The following MAGI1 variants were observed in gnomAD, a reference collection of about 807,000 sequenced individuals.
MAGI1 encodes the protein membrane associated guanylate kinase, WW and PDZ domain containing 1.
Under a neutral mutation model 139.9 loss-of-function variants are expected in MAGI1, and 58 were observed. That is an observed-to-expected ratio of 0.41 (90% CI 0.34 to 0.52). The LOEUF (loss-of-function observed/expected upper bound fraction) is 0.52. Among genes scored for constraint, MAGI1 ranks in the 20% least tolerant of loss-of-function variants. MAGI1 has a pLI of 0.12. For synonymous variants in MAGI1, 812 were observed against 737.9 expected, an observed-to-expected ratio of 1.10 and a Z score of -1.63; for missense variants, 1,874 against 1,901.6, an observed-to-expected ratio of 0.99 and a Z score of 0.27.
chr3:65,853,284 C>T (rs1312193403), intron 1 of MAGI1, among the ~76,000 whole-genome samples: 1 of 152,210 alleles, frequency 6.6e-6, no homozygotes, highest in African/African-American at 2.4e-5. Flanking sequence ...CCCAACCCAA[C>T]ATGATGTGGT....
intron 1 of MAGI1, among the ~76,000 whole-genome samples, chr3:66,015,462 A>G (rs1347080145): frequency 4.0e-5 from 6 of 150,586 alleles, no homozygotes; most frequent in African/African-American, 1.5e-4. Flanking sequence ...ACAGCAGTGA[A>G]AAAAAAAAAT....
chr3:65,537,002 T>A (rs556183434), intron 2 of MAGI1, among the ~76,000 whole-genome samples: 1 of 152,186 alleles, frequency 6.6e-6, no homozygotes, highest in Non-Finnish European at 1.5e-5. Flanking sequence ...TGTTTGAGTA[T>A]GAATTCTTCT....
intron 1 of MAGI1, among the ~76,000 whole-genome samples, chr3:65,690,920 C>A (rs2088573692): frequency 6.6e-6 from 1 of 152,178 alleles, no homozygotes; most frequent in South Asian, 2.1e-4. Context: ...ATATGCCCCA[C>A]TTACCAAACT....
intron 5 of MAGI1, among the ~76,000 whole-genome samples, chr3:65,459,787 A>C (rs1242937558): frequency 6.6e-6 from 1 of 152,092 alleles, no homozygotes; most frequent in South Asian, 2.1e-4. Flanking sequence ...AGCTGGGTGT[A>C]GTGGCATGTA....
intron 1 of MAGI1, among the ~76,000 whole-genome samples, chr3:65,662,990 G>A (rs2086285669): frequency 6.6e-6 from 1 of 152,168 alleles, no homozygotes; most frequent in Admixed American, 6.5e-5. Flanking sequence ...GTAGACCAGA[G>A]ACGGGTGCTG....
intron 18 of MAGI1, among the ~76,000 whole-genome samples, chr3:65,371,706 T>C (rs922390205): frequency 3.9e-5 from 6 of 152,200 alleles, no homozygotes; most frequent in African/African-American, 7.2e-5. Context: ...TTTATTAACT[T>C]AAGTTGATTT....
At chr3:65,590,293 G>C (rs1033020904) in intron 2 of MAGI1, among the ~76,000 whole-genome samples, 2 of 152,096 alleles carry the variant, frequency 1.3e-5, no homozygotes, top group Admixed American at 1.3e-4. Flanking sequence ...AAGCTATTTT[G>C]TACATCTTTG....
intron 1 of MAGI1, among the ~76,000 whole-genome samples, chr3:65,726,130 G>A (rs1442848919): frequency 1.3e-5 from 2 of 152,100 alleles, no homozygotes; most frequent in African/African-American, 4.8e-5. Context: ...ATATGAATCA[G>A]TCTTTTTTAA....
At chr3:65,517,187 C>CA (rs1040911714) in intron 2 of MAGI1, among the ~76,000 whole-genome samples, 2 of 152,172 alleles carry the variant, frequency 1.3e-5, no homozygotes, top group Non-Finnish European at 2.9e-5. Context: ...AATCATGCCT[C>CA]AGGGCCTTTG....
Position 65,359,703 on chromosome 3 carries a change from T to C in MAGI1, c.3634+1496A>G, listed in dbSNP as rs189695904. On this transcript the variant is annotated intron_variant, in intron 22 of 22. Coordinates refer to ENST00000402939, the MANE Select transcript of MAGI1 (RefSeq NM_001033057.2). ...CAAGTGACGCATGGAGACATTACAG[T>C]AGCACAACCCTGTGGCAGGTTCAAC... 19 of 986,172 alleles carry C rather than the reference T, an allele frequency of 1.9e-5. No homozygotes were observed. In the Admixed American group the frequency reaches 1.0e-3, roughly 53 times the overall value. The allele number at this position is 986,172 out of a possible 1,614,324, so 61.1% of individuals were successfully genotyped here. A position where few individuals can be genotyped will look rare whatever the true frequency, so the allele number is the denominator to read the frequency against.
At chr3:65,494,740 TC>T in intron 2 of MAGI1, among the ~76,000 whole-genome samples, 1 of 152,354 alleles carries the variant, frequency 6.6e-6, no homozygotes, top group East Asian at 1.9e-4. Flanking sequence ...GCGCTGAAGT[TC>T]TTAGCACTGT....
At chr3:65,958,880 G>A (rs2064265960) in intron 1 of MAGI1, among the ~76,000 whole-genome samples, 1 of 152,080 alleles carries the variant, frequency 6.6e-6, no homozygotes, top group Non-Finnish European at 1.5e-5. Context: ...CCAGCTCCTG[G>A]GGAGGTTGAG....
intron 1 of MAGI1, among the ~76,000 whole-genome samples, chr3:65,958,959 C>A (rs2064271304): frequency 6.6e-6 from 1 of 151,748 alleles, no homozygotes; most frequent in Middle Eastern, 3.2e-3. Flanking sequence ...TGCACTCCAG[C>A]TTGGCCAACT....
chr3:65,553,067 G>GA (rs982955105), intron 2 of MAGI1, among the ~76,000 whole-genome samples: 2 of 149,574 alleles, frequency 1.3e-5, no homozygotes, highest in Admixed American at 1.3e-4. Context: ...AGATGAAAAA[G>GA]AAAAAAAGAT....
At chr3:65,794,073 G>A (rs1213871084) in intron 1 of MAGI1, among the ~76,000 whole-genome samples, 1 of 152,054 alleles carries the variant, frequency 6.6e-6, no homozygotes, top group Non-Finnish European at 1.5e-5. Flanking sequence ...AACACGACTC[G>A]ACCTGGACCA....
At chr3:66,027,448 C>T (rs1230379399) in intron 1 of MAGI1, among the ~76,000 whole-genome samples, 1 of 152,112 alleles carries the variant, frequency 6.6e-6, no homozygotes, top group African/African-American at 2.4e-5. Flanking sequence ...GCTGGGACTA[C>T]AAGCATGAAC....
At chr3:65,411,521 A>G (rs1945792611) in intron 12 of MAGI1, among the ~76,000 whole-genome samples, 1 of 152,138 alleles carries the variant, frequency 6.6e-6, no homozygotes, top group African/African-American at 2.4e-5. Context: ...AATAGCTCAA[A>G]ATAGCTCACC....
At chr3:65,923,043 G>T (rs933210379) in intron 1 of MAGI1, among the ~76,000 whole-genome samples, 2 of 152,082 alleles carry the variant, frequency 1.3e-5, no homozygotes, top group African/African-American at 4.8e-5. Flanking sequence ...GCTTAGAAGT[G>T]CTTAGATAAA....
At chr3:65,361,396 G>A in intron 21 of MAGI1, 59 bp from the exon 22 acceptor site, 1 of 1,571,376 alleles carries the variant, frequency 6.4e-7, no homozygotes. Flanking sequence ...TTCACCAAAT[G>A]TTTATTAAGC....
Sources: allele counts gnomAD v4.1 joint callset (sites outside exome capture counted in the v4.1 genomes callset), GRCh38; gene constraint gnomAD v4.1.1; transcripts MANE v1.5; gene names NCBI Gene and HGNC (gene_info 2026-07-23, HGNC 2026-07-21).